THEMIS: variants seen among roughly 807,000 people sequenced by gnomAD.
The protein encoded by THEMIS is thymocyte selection associated.
A neutral mutation model predicts 52.6 loss-of-function variants in THEMIS; 37 were observed. That is an observed-to-expected ratio of 0.70 (90% CI 0.54 to 0.93). The LOEUF (loss-of-function observed/expected upper bound fraction) is 0.93, where lower values mean the gene tolerates loss of function less well. Among genes scored for constraint, THEMIS ranks in the 40% least tolerant of loss-of-function variants. The probability of loss-of-function intolerance (pLI) is 0.00; values close to 1 mark genes in which losing one functional copy is unlikely to be tolerated. For missense variants in THEMIS, 808 were observed against 763.1 expected (o/e 1.06, Z -0.69); for synonymous variants, 292 against 272.7 (o/e 1.07, Z -0.70).
At chr6:127,848,946 A>C (rs987488565) in intron 2 of THEMIS, among the ~76,000 whole-genome samples, 8 of 151,576 alleles carry the variant, frequency 5.3e-5, no homozygotes, top group Admixed American at 1.3e-4. Context: ...CCCATTTGTC[A>C]ATTTTGGCTT....
intron 1 of THEMIS, among the ~76,000 whole-genome samples, chr6:127,869,448 C>T (rs1004414380): frequency 6.6e-6 from 1 of 152,188 alleles, no homozygotes; most frequent in Non-Finnish European, 1.5e-5. Flanking sequence ...AAGAGAGTAT[C>T]ACACTACATA....
chr6:127,899,707 G>A (rs575354844), intron 1 of THEMIS, among the ~76,000 whole-genome samples: 2 of 151,552 alleles, frequency 1.3e-5, no homozygotes, highest in Non-Finnish European at 3.0e-5. Flanking sequence ...TTTACGTAAA[G>A]CCTAAAAAAC....
chr6:127,747,188 T>TTATATTATATAAAATTGTA (rs1359236900), intron 4 of THEMIS, among the ~76,000 whole-genome samples: 86 of 134,850 alleles, frequency 6.4e-4, no homozygotes, highest in African/African-American at 2.1e-3. Flanking sequence ...ATATCTATAA[T>TTATATTATATAAAATTGTA]TACAGATATC....
chr6:127,709,993 G>A lies in THEMIS; in HGVS notation c.1918C>T (p.Gln640Ter). Residue 640 changes from glutamine to a stop codon, truncating the protein, a stop_gained, in exon 6 of 6, where the codon CAA becomes TAA. Coordinates refer to ENST00000368248, the MANE Select transcript of THEMIS (RefSeq NM_001010923.3). LOFTEE classifies it high-confidence loss of function. ...GCTTCTGTCACATCTTGTTATTTTT[G>A]ATGTTTTTCATTTTTGAATGTTTCT... ...IAETFKNEKH[Q>*]K 1 of 1,586,872 alleles carries A rather than the reference G, an allele frequency of 6.3e-7. No homozygotes were observed. Among genetic ancestry groups the A allele is most frequent in the Non-Finnish European group, 8.6e-7 (1 of 1,168,004 alleles).
At chr6:127,714,990 G>A (rs1003225201) in intron 5 of THEMIS, among the ~76,000 whole-genome samples, 1 of 151,802 alleles carries the variant, frequency 6.6e-6, no homozygotes, top group South Asian at 2.1e-4. Flanking sequence ...GAAGAAGAGG[G>A]GCCAGGTTGT....
intron 4 of THEMIS, among the ~76,000 whole-genome samples, chr6:127,797,775 C>G (rs181966054): frequency 6.4e-4 from 98 of 152,326 alleles, no homozygotes; most frequent in African/African-American, 2.2e-3. Flanking sequence ...CTCAATGTTT[C>G]TCTAATTTAT....
chr6:127,702,078 C>G, the THEMIS span, among the ~76,000 whole-genome samples: 3 of 151,772 alleles, frequency 2.0e-5, no homozygotes, highest in Non-Finnish European at 1.5e-5. Flanking sequence ...TATCCTTTTA[C>G]CAAGAATTCA....
At chr6:127,775,579 T>C (rs949816228) in intron 4 of THEMIS, among the ~76,000 whole-genome samples, 1 of 152,030 alleles carries the variant, frequency 6.6e-6, no homozygotes, top group Admixed American at 6.6e-5. Flanking sequence ...CTGGCAGCAC[T>C]CTGGGTTTGA....
intron 3 of THEMIS, among the ~76,000 whole-genome samples, chr6:127,819,819 G>T (rs1233883909): frequency 6.6e-6 from 1 of 152,140 alleles, no homozygotes; most frequent in Admixed American, 6.5e-5. Context: ...AAATGTTAAA[G>T]GTAGGAAACT....
intron 4 of THEMIS, among the ~76,000 whole-genome samples, chr6:127,758,017 GAT>G (rs1775893912): frequency 1.3e-5 from 2 of 151,298 alleles, no homozygotes; most frequent in Non-Finnish European, 1.5e-5. Flanking sequence ...CACACACATA[GAT>G]ATATGTTATA....
intron 4 of THEMIS, among the ~76,000 whole-genome samples, chr6:127,804,950 T>TA (rs202097404): frequency 1.1e-3 from 168 of 152,018 alleles, no homozygotes; most frequent in Non-Finnish European, 5.3e-4. Context: ...TCAGTTACAC[T>TA]AAAAAAAACA....
At chr6:127,716,319 G>C (rs1774157987) in intron 5 of THEMIS, among the ~76,000 whole-genome samples, 1 of 151,858 alleles carries the variant, frequency 6.6e-6, no homozygotes, top group East Asian at 1.9e-4. Flanking sequence ...AGCAATGGCA[G>C]CAATTAATGA....
At chr6:127,905,904 G>C (rs1228616413), upstream of THEMIS, among the ~76,000 whole-genome samples, 1 of 151,202 alleles carries the variant, frequency 6.6e-6, no homozygotes, top group East Asian at 1.9e-4. Context: ...CAAACATTAT[G>C]ATGGTATACA....
At chr6:127,883,333 TA>T (rs577359175) in intron 1 of THEMIS, among the ~76,000 whole-genome samples, 22 of 151,726 alleles carry the variant, frequency 1.4e-4, no homozygotes, top group African/African-American at 5.1e-4. Flanking sequence ...CAGGAGACCC[TA>T]AAAAAATGCA....
rs1778621549 is a variant in THEMIS, at chr6:127,829,507, C to T, written c.678G>A (p.Lys226=). 3.1e-6 allele frequency: 5 copies of T among 1,609,502 alleles called. No homozygotes were observed. The East Asian group carries it at 6.7e-5, about 22-fold the overall frequency. The change falls in exon 3 of 6, where the codon AAG becomes AAA. Residue 226 remains lysine (K), a synonymous_variant. Coordinates refer to ENST00000368248, the MANE Select transcript of THEMIS (RefSeq NM_001010923.3). ...PKDFYGTLIL[K]PVYEIQGVMK... ...TCACACCTTGAATTTCATAAACAGG[C>T]TTGAGAATCAGGGTACCATAAAAGT...
At chr6:127,794,546 T>TTCTA (rs1777264130) in intron 4 of THEMIS, among the ~76,000 whole-genome samples, 1 of 152,204 alleles carries the variant, frequency 6.6e-6, no homozygotes, top group South Asian at 2.1e-4. Flanking sequence ...CATGCTGGTC[T>TTCTA]TCTACTTCAG....
intron 2 of THEMIS, among the ~76,000 whole-genome samples, chr6:127,831,539 C>A (rs1004244310): frequency 6.6e-6 from 1 of 152,062 alleles, no homozygotes; most frequent in Non-Finnish European, 1.5e-5. Flanking sequence ...TGAAATTCAT[C>A]TATATATCAA....
At chr6:127,702,969 A>G in the THEMIS span, among the ~76,000 whole-genome samples, 3 of 149,168 alleles carry the variant, frequency 2.0e-5, no homozygotes, top group Non-Finnish European at 1.5e-5. Flanking sequence ...CAGCCAAACC[A>G]TATTTATCAT....
At chr6:127,804,341 A>C (rs931428276) in intron 4 of THEMIS, among the ~76,000 whole-genome samples, 1 of 152,170 alleles carries the variant, frequency 6.6e-6, no homozygotes, top group African/African-American at 2.4e-5. Flanking sequence ...ATTGACCATA[A>C]AATCTGGCAA....
Sources: gnomAD v4.1 joint callset for allele counts (sites outside exome capture counted in the v4.1 genomes callset) on GRCh38, gnomAD v4.1.1 for gene constraint, MANE v1.5 for transcripts, NCBI Gene and HGNC (gene_info 2026-07-23, HGNC 2026-07-21) for gene names.